ADPGK: variants seen among roughly 807,000 people sequenced by gnomAD.
ADPGK encodes the protein ADP dependent glucokinase, also known as ADP-dependent glucokinase.
Under a neutral mutation model 42.4 loss-of-function variants are expected in ADPGK, and 26 were observed. That is an observed-to-expected ratio of 0.61 (90% CI 0.45 to 0.85). The LOEUF (loss-of-function observed/expected upper bound fraction) is 0.85. ADPGK is among the 40% of genes least tolerant of loss of function. The pLI is 0.00. For missense variants in ADPGK, 571 were observed against 627.0 expected (o/e 0.91, Z 0.95); for synonymous variants, 267 against 252.6 (o/e 1.06, Z -0.54).
chr15:72,770,477 G>T (rs2066315363), intron 3 of ADPGK, among the ~76,000 whole-genome samples: 1 of 152,122 alleles, frequency 6.6e-6, no homozygotes, highest in South Asian at 2.1e-4. Context: ...TGGCTTCTTA[G>T]GAAACCATGA....
chr15:72,780,577 G>C (rs1442072730), intron 1 of ADPGK, among the ~76,000 whole-genome samples: 1 of 152,118 alleles, frequency 6.6e-6, no homozygotes. Flanking sequence ...GGAGGCCAAG[G>C]CCTGATCCCA....
chr15:72,760,541 A>G lies in ADPGK; in HGVS notation c.523-14T>C, dbSNP rs201196757. On this transcript the variant is annotated splice_polypyrimidine_tract_variant and intron_variant, in intron 3 of 6. Transcript: ENST00000456471. Reference sequence around the variant, plus strand: ...GCAAAGAAGAACCTGGAGGCAAGCAACACGAAGTCCATCAGGAGCCCCGTT... The same window carrying G: ...GCAAAGAAGAACCTGGAGGCAAGCAGCACGAAGTCCATCAGGAGCCCCGTT... The G allele has an allele frequency of 1.0e-5, 16 of 1,593,198 alleles. No homozygotes were observed. Among genetic ancestry groups the G allele is most frequent in the Non-Finnish European group, 2.6e-6 (3 of 1,163,846 alleles).
intron 4 of ADPGK, chr15:72,757,854 A>G (rs1490207638): frequency 4.4e-6 from 2 of 452,584 alleles, no homozygotes; most frequent in Non-Finnish European, 8.0e-6. Flanking sequence ...ACCTAGGAGA[A>G]AGGAGCCACA....
At chr15:72,778,514 T>TAAAAA (rs2066417309) in intron 1 of ADPGK, among the ~76,000 whole-genome samples, 1 of 152,032 alleles carries the variant, frequency 6.6e-6, no homozygotes, top group African/African-American at 2.4e-5. Flanking sequence ...GTAAAAAATG[T>TAAAAA]ATATTAGATG....
At chr15:72,761,455 A>G (rs2066191922) in intron 3 of ADPGK, among the ~76,000 whole-genome samples, 1 of 152,192 alleles carries the variant, frequency 6.6e-6, no homozygotes, top group South Asian at 2.1e-4. Context: ...ATCCCAACTG[A>G]GAGACTTCAG....
At chr15:72,757,695 A>T (rs990472729) in intron 4 of ADPGK, 17 of 175,798 alleles carry the variant, frequency 9.7e-5, no homozygotes, top group Non-Finnish European at 1.8e-4. Flanking sequence ...ACAACAAAAA[A>T]TATGGGTATG....
At chr15:72,777,593 G>A (rs1244979940) in intron 1 of ADPGK, among the ~76,000 whole-genome samples, 6 of 151,796 alleles carry the variant, frequency 4.0e-5, no homozygotes, top group African/African-American at 7.3e-5. Flanking sequence ...CAGGAGAATC[G>A]CTTGAACCCG....
At chr15:72,755,845 A>G in intron 5 of ADPGK, 191 bp from the exon 6 acceptor site, 2 of 656,252 alleles carry the variant, frequency 3.0e-6, no homozygotes, top group Non-Finnish European at 5.6e-6. Context: ...AGGGAAGACT[A>G]GGCTGTGCAG....
chr15:72,780,295 G>A lies in ADPGK; in HGVS notation c.233+3164C>T, dbSNP rs189872942. ...CTTCTTAAGGTGTCAGGAAGGAGCC[G>A]TGCCGAGTGAATAGCAGGGAAGAGC... On this transcript the variant is annotated intron_variant, in intron 1 of 6. Transcript: ENST00000456471. Among the ~76,000 whole-genome samples the A allele has an allele frequency of 9.2e-4, 140 of 152,210 alleles. 1 individual carries two copies. The highest frequency in any genetic ancestry group is 1.3e-4 in the Non-Finnish European group (9 of 68,010).
rs978654570 is a variant in ADPGK, at chr15:72,752,290, C to G, written c.*51G>C. 3 of 1,523,118 alleles carry G rather than the reference C, an allele frequency of 2.0e-6. No homozygotes were observed. The highest frequency in any genetic ancestry group is 2.1e-5 in the Admixed American group (1 of 48,300). 94.4% of individuals were successfully genotyped at this position (1,523,118 alleles called of 1,614,324 possible). A position where few individuals can be genotyped will look rare whatever the true frequency, so the allele number is the denominator to read the frequency against. On this transcript the variant is annotated 3_prime_UTR_variant, in exon 7 of 7. Transcript: ENST00000456471. ...TCCAAACCACTTTCTTCCTGTAATTCTTAAGTTGGCTAGTTCTCCTTCCTC... is the reference window on the plus strand; with the variant it reads ...TCCAAACCACTTTCTTCCTGTAATTGTTAAGTTGGCTAGTTCTCCTTCCTC...
intron 1 of ADPGK, among the ~76,000 whole-genome samples, chr15:72,777,510 T>A (rs1413747400): frequency 6.6e-6 from 1 of 152,064 alleles, no homozygotes; most frequent in African/African-American, 2.4e-5. Flanking sequence ...AAACTCCATC[T>A]CTAATGAAAA....
rs1051102900 is a variant in ADPGK at position 72,779,205 on chromosome 15, G to A, written c.234-4108C>T. 3.3e-5 allele frequency among the ~76,000 whole-genome samples: 5 copies of A among 149,752 alleles called. No homozygotes were observed. The East Asian group carries it at 9.9e-4, about 30-fold the overall frequency. ...ACCAAGATATGTTTCAAGGTTCAGG[G>A]TGAAGCCAGTTCCAGGGGCAATAAA... On this transcript the variant is annotated intron_variant, in intron 1 of 6. Transcript: ENST00000456471.
Position 72,752,447 on chromosome 15 carries a change from T to C in ADPGK, c.1388A>G (p.His463Arg). 1 of 1,614,196 alleles carries C rather than the reference T, an allele frequency of 6.2e-7. No individual in the cohort carries two copies. Among genetic ancestry groups the C allele is most frequent in the Non-Finnish European group, 8.5e-7 (1 of 1,180,030 alleles). ...VEWHREGISFHFTPVLVCKDP... is the reference protein window; with the variant it reads ...VEWHREGISFRFTPVLVCKDP... ...TTTACACACCAATACTGGTGTGAAG[T>C]GGAAGGATATTCCCTCTCTGTGCCA... The change falls in exon 7 of 7, where the codon CAC (histidine) becomes CGC (arginine). Residue 463 changes from histidine (H) to arginine (R), a missense_variant. By Grantham distance (29) the His-to-Arg change is conservative. Around this residue, in one of 2 missense-constraint regions of ADPGK, gnomAD observed 434 missense variants for 522.7 expected, o/e 0.83. Coordinates refer to ENST00000456471, the MANE Select transcript of ADPGK (RefSeq NM_001365225.1).
intron 4 of ADPGK, chr15:72,756,703 C>T (rs530817889): frequency 6.0e-6 from 3 of 501,566 alleles, no homozygotes; most frequent in Non-Finnish European, 1.1e-5. Context: ...ATTAGCTCCC[C>T]CTGAGTCCCA....
rs2066112536 is a variant in ADPGK, at chr15:72,756,257, G to C, written c.834C>G (p.Leu278=). 26 of 1,614,100 alleles carry C rather than the reference G, an allele frequency of 1.6e-5. No individual in the cohort carries two copies. Among genetic ancestry groups the C allele is most frequent in the Non-Finnish European group, 1.9e-5 (23 of 1,179,974 alleles). The part of the protein sequence containing the change: ...GQSKELQRKR[L]LEVVTSISDI... ...TCTGTAACAGTGCCATTACCTCCAA[G>C]AGTCTCTTCCTCTGGAGCTCCTTGC... Residue 278 remains leucine, a synonymous_variant, in exon 5 of 7, where the codon CTC becomes CTG. Coordinates refer to ENST00000456471, the MANE Select transcript of ADPGK (RefSeq NM_001365225.1).
At chr15:72,760,794 C>T (rs2066183105) in intron 3 of ADPGK, among the ~76,000 whole-genome samples, 1 of 152,142 alleles carries the variant, frequency 6.6e-6, no homozygotes, top group Admixed American at 6.5e-5. Flanking sequence ...GGCACCTATG[C>T]AGCTGCTACA....
At chr15:72,780,366 G>A (rs1595807618) in intron 1 of ADPGK, among the ~76,000 whole-genome samples, 1 of 151,384 alleles carries the variant, frequency 6.6e-6, no homozygotes, top group Non-Finnish European at 1.5e-5. Flanking sequence ...TCACTATCAG[G>A]AGAACAGAAT....
At chr15:72,763,590 CTG>C (rs1364811811) in intron 3 of ADPGK, among the ~76,000 whole-genome samples, 2 of 152,216 alleles carry the variant, frequency 1.3e-5, no homozygotes, top group Admixed American at 6.5e-5. Flanking sequence ...TAAGAGATAA[CTG>C]AAGAGAAGTA....
chr15:72,756,452 A>G lies in ADPGK; in HGVS notation c.644-5T>C. Reference sequence around the variant, plus strand: ...TTAACTGGCCCCACTCCTCCCCTGGAAAAACCCAGTCAACACAATGGGAAG... The same window carrying G: ...TTAACTGGCCCCACTCCTCCCCTGGGAAAACCCAGTCAACACAATGGGAAG... On this transcript the variant is annotated splice_region_variant and splice_polypyrimidine_tract_variant and intron_variant, in intron 4 of 6. Transcript: ENST00000456471. The G allele has an allele frequency of 1.2e-6, 2 of 1,614,116 alleles. No individual in the cohort carries two copies. Among genetic ancestry groups the G allele is most frequent in the Non-Finnish European group, 1.7e-6 (2 of 1,179,970 alleles).
Sources: gnomAD v4.1 joint callset for allele counts (sites outside exome capture counted in the v4.1 genomes callset) on GRCh38, gnomAD v4.1.1 for gene constraint, gnomAD v4.1.1 regional missense constraint, MANE v1.5 for transcripts, NCBI Gene and HGNC (gene_info 2026-07-23, HGNC 2026-07-21) for gene names.